Variants in CSMD1 observed in about 807,000 individuals in gnomAD.
CSMD1 encodes CUB and Sushi multiple domains 1, also known as CUB and sushi domain-containing protein 1.
CSMD1 carries 213 observed loss-of-function variants against 417.5 expected under a neutral mutation model. The ratio of observed to expected loss-of-function variants is 0.51; its 90% confidence interval spans 0.46 to 0.57. The LOEUF (loss-of-function observed/expected upper bound fraction) is 0.57. CSMD1 is among the 20% of genes least tolerant of loss of function. CSMD1 has a pLI of 0.00. For synonymous variants in CSMD1, 2,862 were observed against 1,736.8 expected, an observed-to-expected ratio of 1.65 and a Z score of -16.11; for missense variants, 6,923 against 4,529.7, an observed-to-expected ratio of 1.53 and a Z score of -15.17.
intron 2 of CSMD1, among the ~76,000 whole-genome samples, chr8:4,516,880 A>T (rs956877800): frequency 5.9e-5 from 9 of 152,154 alleles, no homozygotes; most frequent in Admixed American, 1.3e-4. Context: ...CTCTAGGGTG[A>T]ATACAAATAT....
chr8:3,371,146 TG>T (rs1249373286), intron 18 of CSMD1, among the ~76,000 whole-genome samples: 1 of 152,198 alleles, frequency 6.6e-6, no homozygotes, highest in Admixed American at 6.5e-5. Context: ...ATTATGCCAC[TG>T]GCTTTTCCAG....
intron 5 of CSMD1, among the ~76,000 whole-genome samples, chr8:3,938,316 T>C (rs548925373): frequency 2.8e-4 from 43 of 152,284 alleles, no homozygotes; most frequent in African/African-American, 1.0e-3. Flanking sequence ...AAATAATTTG[T>C]GTTTTGGAAG....
At chr8:4,198,004 T>C (rs1056673528) in intron 3 of CSMD1, among the ~76,000 whole-genome samples, 9 of 152,248 alleles carry the variant, frequency 5.9e-5, no homozygotes, top group Non-Finnish European at 1.0e-4. Flanking sequence ...ATGCTATCTT[T>C]CCTTAAGAGT....
intron 10 of CSMD1, among the ~76,000 whole-genome samples, chr8:3,556,265 A>G (rs926842185): frequency 2.7e-5 from 4 of 150,712 alleles, no homozygotes; most frequent in Non-Finnish European, 4.4e-5. Flanking sequence ...CCCATTAACC[A>G]CCCTCACCTC....
chr8:4,787,351 T>C (rs1210746706), intron 1 of CSMD1: 9 of 732,442 alleles, frequency 1.2e-5, no homozygotes, highest in Non-Finnish European at 2.2e-5. Context: ...GCTGAGGTAC[T>C]GAACACTGGT....
chr8:4,979,717 C>G (rs1459859728), intron 1 of CSMD1, among the ~76,000 whole-genome samples: 1 of 152,148 alleles, frequency 6.6e-6, no homozygotes, highest in East Asian at 1.9e-4. Context: ...GACAAATATA[C>G]AGATCAAATC....
At chr8:3,750,997 T>C (rs910513109) in intron 6 of CSMD1, among the ~76,000 whole-genome samples, 3 of 152,152 alleles carry the variant, frequency 2.0e-5, no homozygotes, top group Admixed American at 1.3e-4. Flanking sequence ...TTCCTCTCTC[T>C]GGTCCTTCTT....
intron 15 of CSMD1, among the ~76,000 whole-genome samples, chr8:3,404,039 C>G (rs933379661): frequency 6.6e-6 from 1 of 152,122 alleles, no homozygotes; most frequent in Non-Finnish European, 1.5e-5. Flanking sequence ...GGGTGAACAT[C>G]AGAATACCCT....
intron 1 of CSMD1, among the ~76,000 whole-genome samples, chr8:4,909,779 T>G (rs1805538665): frequency 2.0e-5 from 3 of 152,180 alleles, no homozygotes; most frequent in Admixed American, 2.0e-4. Flanking sequence ...CATGTACATT[T>G]GTTTTGGTTG....
chr8:4,941,315 T>A (rs374163129), intron 1 of CSMD1, among the ~76,000 whole-genome samples: 2 of 152,134 alleles, frequency 1.3e-5, no homozygotes. Context: ...TTTGTTTTTG[T>A]AAAGCACACG....
chr8:4,426,117 A>C (rs1178380449), intron 2 of CSMD1, among the ~76,000 whole-genome samples: 1 of 151,850 alleles, frequency 6.6e-6, no homozygotes, highest in Non-Finnish European at 1.5e-5. Context: ...TCGCCTATGG[A>C]TGTGACAGAG....
At chr8:4,035,060 T>C (rs1429816782) in intron 3 of CSMD1, among the ~76,000 whole-genome samples, 7 of 152,204 alleles carry the variant, frequency 4.6e-5, no homozygotes. Flanking sequence ...ATGATTATCG[T>C]GCAGAAAGAT....
chr8:3,987,572 C>A (rs78196757), intron 5 of CSMD1, among the ~76,000 whole-genome samples: 1 of 152,126 alleles, frequency 6.6e-6, no homozygotes, highest in South Asian at 2.1e-4. Context: ...GGAGGAACAC[C>A]ATTTTTAATT....
intron 3 of CSMD1, among the ~76,000 whole-genome samples, chr8:4,289,497 G>T (rs1481878079): frequency 6.6e-6 from 1 of 152,138 alleles, no homozygotes; most frequent in East Asian, 1.9e-4. Context: ...CATAAACTGA[G>T]TTCTGTCCAC....
intron 1 of CSMD1, among the ~76,000 whole-genome samples, chr8:4,756,951 T>C (rs1811704710): frequency 6.6e-6 from 1 of 152,222 alleles, no homozygotes; most frequent in African/African-American, 2.4e-5. Context: ...AAAAGAAACC[T>C]GTTCAAACAC....
At chr8:4,003,933 T>C (rs1423691499) in intron 4 of CSMD1, among the ~76,000 whole-genome samples, 1 of 130,748 alleles carries the variant, frequency 7.6e-6, no homozygotes, top group Non-Finnish European at 1.7e-5. Context: ...TTCATTTTTT[T>C]AGAAAACAGA....
chr8:4,919,908 T>C (rs1255485056), intron 1 of CSMD1, among the ~76,000 whole-genome samples: 4 of 152,138 alleles, frequency 2.6e-5, no homozygotes, highest in South Asian at 2.1e-4. Flanking sequence ...AGGTATTCTC[T>C]TGGAAGCAGA....
intron 8 of CSMD1, among the ~76,000 whole-genome samples, chr8:3,599,139 GTGTGTGTGTGTCTGTGTGTGTGTC>G (rs1304896525): frequency 1.4e-5 from 2 of 141,794 alleles, no homozygotes; most frequent in East Asian, 2.1e-4. Context: ...GTGTGTGTGT[GTGTGTGTGTGTCTGTGTGTGTGTC>G]TGTGTGTGTG....
At chr8:4,303,238 G>A (rs1365884143) in intron 3 of CSMD1, among the ~76,000 whole-genome samples, 1 of 152,056 alleles carries the variant, frequency 6.6e-6, no homozygotes, top group African/African-American at 2.4e-5. Flanking sequence ...TTTCAGATAA[G>A]TATTCTCTAC....
Sources: allele counts gnomAD v4.1 joint callset (sites outside exome capture counted in the v4.1 genomes callset), GRCh38; gene constraint gnomAD v4.1.1; transcripts MANE v1.5; gene names NCBI Gene and HGNC (gene_info 2026-07-23, HGNC 2026-07-21).